Variants in DCDC1 observed in about 807,000 individuals in gnomAD.
DCDC1 encodes the protein doublecortin domain containing 1, also known as doublecortin domain-containing protein 1.
A neutral mutation model predicts 178.3 loss-of-function variants in DCDC1; 200 were observed. The observed-to-expected ratio is 1.12, with a 90% confidence interval of 1.00 to 1.26. The LOEUF is 1.26. DCDC1 is among the 50% of genes most tolerant of loss of function. DCDC1 has a pLI of 0.00. For synonymous variants in DCDC1, 690 were observed against 604.8 expected (o/e 1.14, Z -2.07); for missense variants, 1,983 against 1,749.2 (o/e 1.13, Z -2.38).
At chr11:30,969,952 T>C (rs1470564563) in intron 20 of DCDC1, among the ~76,000 whole-genome samples, 1 of 152,150 alleles carries the variant, frequency 6.6e-6, no homozygotes, top group East Asian at 1.9e-4. Context: ...AGAACCAAAA[T>C]AGTGGGCAGA....
chr11:31,112,433 C>A (rs1959194017), intron 11 of DCDC1, among the ~76,000 whole-genome samples: 1 of 152,104 alleles, frequency 6.6e-6, no homozygotes, highest in South Asian at 2.1e-4. Flanking sequence ...TTATTTTCTT[C>A]CTGCCCAATT....
intron 26 of DCDC1, among the ~76,000 whole-genome samples, chr11:30,916,198 T>C (rs1001009999): frequency 6.6e-6 from 1 of 152,198 alleles, no homozygotes; most frequent in Non-Finnish European, 1.5e-5. Flanking sequence ...TATCATAAAA[T>C]AATGATGCAC....
chr11:30,999,842 G>T (rs569929300), intron 20 of DCDC1, among the ~76,000 whole-genome samples: 1 of 152,060 alleles, frequency 6.6e-6, no homozygotes, highest in African/African-American at 2.4e-5. Flanking sequence ...ATATTTGTTG[G>T]CAATCTTAGG....
At chr11:31,133,298 CA>C (rs1962682839) in intron 10 of DCDC1, among the ~76,000 whole-genome samples, 1 of 152,194 alleles carries the variant, frequency 6.6e-6, no homozygotes, top group African/African-American at 2.4e-5. Context: ...GAAATCAGCA[CA>C]AACGGTGGCA....
chr11:31,197,017 G>T, intron 9 of DCDC1, among the ~76,000 whole-genome samples: 1 of 152,102 alleles, frequency 6.6e-6, no homozygotes, highest in East Asian at 1.9e-4. Context: ...AAGAAAAGAT[G>T]CTCCTATTAC....
chr11:31,169,187 A>G (rs139158723), intron 9 of DCDC1, among the ~76,000 whole-genome samples: 2 of 152,298 alleles, frequency 1.3e-5, no homozygotes, highest in Admixed American at 1.3e-4. Flanking sequence ...GAACAATGAC[A>G]ACACATGGAC....
chr11:31,157,355 CAAAAA>C lies in DCDC1; in HGVS notation c.1222-19576_1222-19572del, dbSNP rs1555090310. 1.2e-4 allele frequency among the ~76,000 whole-genome samples: 15 copies of C among 121,926 alleles called. No individual in the cohort carries two copies. In the East Asian group the frequency reaches 2.1e-3, roughly 17 times the overall value. 80.0% of individuals were successfully genotyped at this position (121,926 alleles called of 152,430 possible). On this transcript the variant is annotated intron_variant, in intron 9 of 38. Coordinates refer to ENST00000684477, the MANE Select transcript of DCDC1 (RefSeq NM_001387274.1). ...ACAGAGAAAGAGCAAGACCCTTTCTCAAAAAAAAAAAAAAAAAATATATATATATA... is the reference window on the plus strand; with the variant it reads ...ACAGAGAAAGAGCAAGACCCTTTCTCAAAAAAAAAAAAATATATATATATA...
intron 33 of DCDC1, among the ~76,000 whole-genome samples, chr11:30,899,942 G>A (rs1042710301): frequency 3.3e-5 from 5 of 152,094 alleles, no homozygotes; most frequent in African/African-American, 9.7e-5. Context: ...GCCTGGCTTG[G>A]AACCATTCAT....
intron 38 of DCDC1, among the ~76,000 whole-genome samples, chr11:30,876,407 A>G (rs549185443): frequency 1.3e-5 from 2 of 152,178 alleles, no homozygotes; most frequent in Admixed American, 6.5e-5. Flanking sequence ...GTAAGGAAAG[A>G]GCAGGGCTGT....
At chr11:31,302,194 G>A (rs935968848) in intron 6 of DCDC1, among the ~76,000 whole-genome samples, 4 of 152,116 alleles carry the variant, frequency 2.6e-5, no homozygotes, top group African/African-American at 9.7e-5. Context: ...TCTTATTTAA[G>A]ATATTCAGGC....
intron 7 of DCDC1, among the ~76,000 whole-genome samples, chr11:31,287,300 T>C (rs1199598439): frequency 1.3e-5 from 2 of 151,736 alleles, no homozygotes; most frequent in Non-Finnish European, 2.9e-5. Context: ...AAATATTCAT[T>C]GGGTTGAGAG....
intron 20 of DCDC1, among the ~76,000 whole-genome samples, chr11:30,987,899 A>G (rs564588729): frequency 2.0e-5 from 3 of 152,244 alleles, no homozygotes; most frequent in African/African-American, 2.4e-5. Flanking sequence ...CAGCCCAGGG[A>G]AGCCAAAAAA....
At chr11:30,907,134 G>A (rs1945120921) in intron 29 of DCDC1, among the ~76,000 whole-genome samples, 1 of 152,146 alleles carries the variant, frequency 6.6e-6, no homozygotes, top group South Asian at 2.1e-4. Context: ...GGGAGCAACA[G>A]AAAGACTGAT....
chr11:31,062,446 G>A (rs1412852058), intron 20 of DCDC1, among the ~76,000 whole-genome samples: 1 of 152,082 alleles, frequency 6.6e-6, no homozygotes, highest in African/African-American at 2.4e-5. Context: ...TTGACTATCC[G>A]GCTGCTCAGC....
At chr11:31,078,006 C>T (rs1565254270) in intron 17 of DCDC1, 81 bp from the exon 18 acceptor site, 20 of 722,986 alleles carry the variant, frequency 2.8e-5, no homozygotes, top group South Asian at 2.9e-5. Flanking sequence ...TGATCATTTT[C>T]CAGATAGCCT....
chr11:31,093,503 A>G (rs1957942692), intron 16 of DCDC1, among the ~76,000 whole-genome samples: 2 of 152,334 alleles, frequency 1.3e-5, no homozygotes, highest in Middle Eastern at 3.4e-3. Context: ...AGGAAAGGAC[A>G]ATTTTATGTT....
At chr11:31,179,966 T>C (rs1257906948) in intron 9 of DCDC1, among the ~76,000 whole-genome samples, 1 of 152,162 alleles carries the variant, frequency 6.6e-6, no homozygotes, top group East Asian at 1.9e-4. Flanking sequence ...ATCCCAGGAA[T>C]GCAAGGGTGA....
At chr11:31,126,346 C>T (rs1245711598) in intron 11 of DCDC1, among the ~76,000 whole-genome samples, 3 of 152,144 alleles carry the variant, frequency 2.0e-5, no homozygotes, top group Non-Finnish European at 4.4e-5. Context: ...AAACCCTTGA[C>T]CTTGATGTCT....
intron 21 of DCDC1, among the ~76,000 whole-genome samples, chr11:30,935,050 C>G (rs776295458): frequency 6.6e-5 from 10 of 152,168 alleles, no homozygotes; most frequent in Non-Finnish European, 1.0e-4. Context: ...ACCCATATAC[C>G]TGAGATGCTA....
Sources: gnomAD v4.1 joint callset for allele counts (sites outside exome capture counted in the v4.1 genomes callset) on GRCh38, gnomAD v4.1.1 for gene constraint, MANE v1.5 for transcripts, NCBI Gene and HGNC (gene_info 2026-07-23, HGNC 2026-07-21) for gene names.